Variants in UNC79 observed in about 807,000 individuals in gnomAD.
UNC79 encodes protein unc-79 homolog.
In UNC79, 37 loss-of-function variants were observed where a neutral mutation model predicts 283.1. The observed-to-expected ratio is 0.13, with a 90% CI of 0.10 to 0.17. The LOEUF (loss-of-function observed/expected upper bound fraction) is 0.17. UNC79 is among the 10% of genes least tolerant of loss of function. The pLI is 1.00. For synonymous variants in UNC79, 1,107 were observed against 1,200.2 expected, an observed-to-expected ratio of 0.92 and a Z score of 1.61; for missense variants, 2,272 against 3,211.1, an observed-to-expected ratio of 0.71 and a Z score of 7.07.
chr14:93,706,829 G>A, exon 49 of UNC79: 1 of 1,614,236 alleles, frequency 6.2e-7, no homozygotes. Context: ...GAAAGTGGTT[G>A]CAGTGCACTC....
chr14:93,360,527 T>C (rs1323884668), intron 1 of UNC79, among the ~76,000 whole-genome samples: 1 of 152,254 alleles, frequency 6.6e-6, no homozygotes, highest in African/African-American at 2.4e-5. Context: ...GTACCTGGTA[T>C]GCAGCCATTG....
chr14:93,377,160 G>A (rs560132287), intron 1 of UNC79, among the ~76,000 whole-genome samples: 145 of 144,556 alleles, frequency 1.0e-3, no homozygotes, highest in African/African-American at 3.5e-3. Flanking sequence ...GTGCAGTGGC[G>A]CTATCTGCAA....
rs1471724440 is a variant in UNC79, at chr14:93,679,267, T to C, written c.6742-3350T>C. Among the ~76,000 whole-genome samples the C allele has an allele frequency of 2.0e-5, 3 of 152,142 alleles. No individual in the cohort carries two copies. The East Asian group carries it at 5.8e-4, about 29-fold the overall frequency. On this transcript the variant is annotated intron_variant, in intron 41 of 48. Transcript: ENST00000555664. Reference sequence around the variant, plus strand: ...CGAAGTCAAGAGATCGAGACCATCCTGGCTAACATGGTGAAACCCCGTCTC... The same window carrying C: ...CGAAGTCAAGAGATCGAGACCATCCCGGCTAACATGGTGAAACCCCGTCTC...
intron 1 of UNC79, among the ~76,000 whole-genome samples, chr14:93,414,929 T>G (rs1047407762): frequency 6.6e-6 from 1 of 152,116 alleles, no homozygotes; most frequent in African/African-American, 2.4e-5. Context: ...GGCTGAGACG[T>G]TGGGGTTTTC....
Position 93,474,535 on chromosome 14 carries a change from C to A in UNC79, c.448+142C>A. The A allele has an allele frequency of 1.1e-6, 1 of 947,648 alleles. No homozygotes were observed. The highest frequency in any genetic ancestry group is 1.5e-6 in the Non-Finnish European group (1 of 655,118). 58.7% of individuals were successfully genotyped at this position (947,648 alleles called of 1,614,324 possible). A position where few individuals can be genotyped will look rare whatever the true frequency, so the allele number is the denominator to read the frequency against. On this transcript the variant is annotated intron_variant, in intron 3 of 48. Transcript: ENST00000555664. The surrounding 1 kb of genome is among the most constrained non-coding windows in gnomAD (Gnocchi z 4.1). ...TGTGGCTAGAAGCACTACACTGAAA[C>A]TTCATTATGGTGCTTCCCATACTAT...
intron 32 of UNC79, among the ~76,000 whole-genome samples, chr14:93,640,917 G>C (rs2068966768): frequency 6.6e-6 from 1 of 152,064 alleles, no homozygotes; most frequent in Non-Finnish European, 1.5e-5. Context: ...TCAAAGTCAA[G>C]AAGCAAAGAG....
chr14:93,539,227 T>C (rs2061251441), intron 12 of UNC79, among the ~76,000 whole-genome samples: 1 of 138,538 alleles, frequency 7.2e-6, no homozygotes. Context: ...TTTTTTTAAT[T>C]AAATAAATAA....
chr14:93,393,037 G>C (rs766169803), intron 1 of UNC79, among the ~76,000 whole-genome samples: 21 of 152,180 alleles, frequency 1.4e-4, no homozygotes, highest in Non-Finnish European at 2.8e-4. Flanking sequence ...AGAGCCTCTT[G>C]CTGCATCATA....
intron 7 of UNC79, among the ~76,000 whole-genome samples, chr14:93,497,930 G>A (rs2059093507): frequency 6.6e-6 from 1 of 152,010 alleles, no homozygotes; most frequent in African/African-American, 2.4e-5. Context: ...AAATTGCAAT[G>A]GGCCAAGATC....
intron 7 of UNC79, among the ~76,000 whole-genome samples, chr14:93,515,772 A>G (rs1407177105): frequency 6.6e-6 from 1 of 152,136 alleles, no homozygotes; most frequent in East Asian, 1.9e-4. Context: ...TGTATGTTCA[A>G]AATATAAGAC....
intron 5 of UNC79, among the ~76,000 whole-genome samples, 189 bp from the exon 6 acceptor site, chr14:93,496,222 G>A (rs2059006483): frequency 1.3e-5 from 2 of 152,064 alleles, no homozygotes; most frequent in South Asian, 4.1e-4. Context: ...AGGACCTTGG[G>A]ACAAAGCTTG....
At chr14:93,615,455 G>T (rs2066629903) in intron 27 of UNC79, among the ~76,000 whole-genome samples, 2 of 152,142 alleles carry the variant, frequency 1.3e-5, no homozygotes, top group South Asian at 4.1e-4. Flanking sequence ...TGGGCATGGT[G>T]GCTCATGCTT....
At chr14:93,521,987 A>G (rs1349694301) in intron 7 of UNC79, among the ~76,000 whole-genome samples, 1 of 151,666 alleles carries the variant, frequency 6.6e-6, no homozygotes, top group Non-Finnish European at 1.5e-5. Context: ...AAAACTTAAG[A>G]TCACTGTTTT....
intron 1 of UNC79, among the ~76,000 whole-genome samples, chr14:93,435,074 C>T (rs2056032522): frequency 6.6e-6 from 1 of 152,124 alleles, no homozygotes; most frequent in Non-Finnish European, 1.5e-5. Context: ...ATTTTTTGCA[C>T]ATTATATGGT....
intron 1 of UNC79, among the ~76,000 whole-genome samples, chr14:93,409,519 C>T (rs983319262): frequency 6.6e-6 from 1 of 152,010 alleles, no homozygotes; most frequent in Non-Finnish European, 1.5e-5. Context: ...AGTGAGACCT[C>T]CGTCTCTACA....
At chr14:93,388,906 A>G (rs1437010426) in intron 1 of UNC79, among the ~76,000 whole-genome samples, 1 of 152,200 alleles carries the variant, frequency 6.6e-6, no homozygotes, top group African/African-American at 2.4e-5. Context: ...GTTCCAATGT[A>G]TCCAGGTTGG....
intron 1 of UNC79, among the ~76,000 whole-genome samples, chr14:93,384,472 T>C (rs1036273467): frequency 6.6e-6 from 1 of 152,210 alleles, no homozygotes; most frequent in African/African-American, 2.4e-5. Context: ...ACCTTTTCAA[T>C]ACTCCTGTTT....
chr14:93,528,567 G>T (rs2060649868), exon 9 of UNC79: 1 of 1,613,732 alleles, frequency 6.2e-7, no homozygotes, highest in Admixed American at 1.7e-5. Flanking sequence ...GATGTGTATA[G>T]ACCCTTCCCT....
intron 40 of UNC79, among the ~76,000 whole-genome samples, chr14:93,663,012 A>C (rs961337222): frequency 2.6e-5 from 4 of 152,204 alleles, no homozygotes; most frequent in Admixed American, 6.6e-5. Flanking sequence ...AATGGTTGAC[A>C]TGACCTCTTA....
Sources: allele counts gnomAD v4.1 joint callset (sites outside exome capture counted in the v4.1 genomes callset), GRCh38; gene constraint gnomAD v4.1.1; non-coding constraint Gnocchi (gnomAD v3.1); transcripts MANE v1.5; gene names NCBI Gene and HGNC (gene_info 2026-07-23, HGNC 2026-07-21).